IQSEC1: variants seen among roughly 807,000 people sequenced by gnomAD.
IQSEC1 encodes the protein IQ motif and Sec7 domain ArfGEF 1.
IQSEC1 carries 31 observed loss-of-function variants against 91.0 expected under a neutral mutation model. The ratio of observed to expected loss-of-function variants is 0.34; its 90% CI spans 0.26 to 0.46. The LOEUF is 0.46. Among genes scored for constraint, IQSEC1 ranks in the 20% least tolerant of loss-of-function variants. The probability of loss-of-function intolerance (pLI) is 1.00; values close to 1 mark genes in which losing one functional copy is unlikely to be tolerated. For missense variants in IQSEC1, 1,388 were observed against 1,575.6 expected (o/e 0.88, Z 2.02); for synonymous variants, 699 against 662.6 (o/e 1.05, Z -0.84).
At chr3:13,172,831 T>C (rs1019281269) in intron 1 of IQSEC1, among the ~76,000 whole-genome samples, 1 of 152,162 alleles carries the variant, frequency 6.6e-6, no homozygotes, top group Non-Finnish European at 1.5e-5. Flanking sequence ...CCCAGCCACG[T>C]GCCTCTGGGG....
intron 2 of IQSEC1, among the ~76,000 whole-genome samples, chr3:13,084,549 G>A (rs541796704): frequency 6.6e-6 from 1 of 152,328 alleles, no homozygotes; most frequent in South Asian, 2.1e-4. Context: ...GACATCAGAT[G>A]ATGACGGGTG....
rs1045099494 is a variant in IQSEC1 at position 13,207,256 on chromosome 3, C to T, written c.273-43123G>A. 3.5e-4 allele frequency among the ~76,000 whole-genome samples: 53 copies of T among 152,158 alleles called. No homozygotes were observed. The highest frequency in any genetic ancestry group is 1.2e-3 in the African/African-American group (51 of 41,434). On this transcript the variant is annotated intron_variant, in intron 1 of 15. Coordinates refer to the IQSEC1 transcript ENST00000648114. The surrounding 1 kb of genome is among the most constrained non-coding windows in gnomAD (Gnocchi z 4.8). Reference sequence around the variant, plus strand: ...TTCCCCACCTCCGCTCAAACCTTCCCACCAGATTCCTCCTGGCTTGTTTCC... The same window carrying T: ...TTCCCCACCTCCGCTCAAACCTTCCTACCAGATTCCTCCTGGCTTGTTTCC...
chr3:12,897,909 T>C lies in IQSEC1; in HGVS notation c.*3074A>G, dbSNP rs1040889719. 2 of 152,256 alleles carry C rather than the reference T, an allele frequency of 1.3e-5. No individual in the cohort carries two copies. The highest frequency in any genetic ancestry group is 4.8e-5 in the African/African-American group (2 of 41,468). 9.4% of individuals were successfully genotyped at this position (152,256 alleles called of 1,614,324 possible). On this transcript the variant is annotated 3_prime_UTR_variant, in exon 14 of 14. Transcript: ENST00000613206. The stretch of plus-strand genomic sequence containing the variant: ...ATTAGGATGAACTTTATTTTTACAT[T>C]GTTGTACAATTCATTGGTAAACTTA...
At chr3:13,251,123 C>T (rs984031432) in intron 1 of IQSEC1, among the ~76,000 whole-genome samples, 8 of 152,220 alleles carry the variant, frequency 5.3e-5, no homozygotes, top group Non-Finnish European at 1.2e-4. Flanking sequence ...CACCTGCAGG[C>T]CTCTGGGCCT....
chr3:13,054,696 T>C (rs767912425), intron 1 of IQSEC1, among the ~76,000 whole-genome samples: 1 of 151,998 alleles, frequency 6.6e-6, no homozygotes, highest in South Asian at 2.1e-4. Context: ...AGTGAAGAGG[T>C]GGCCTCTGGA....
chr3:12,951,052 AG>A (rs1246786647), intron 1 of IQSEC1, among the ~76,000 whole-genome samples: 1 of 152,196 alleles, frequency 6.6e-6, no homozygotes, highest in Admixed American at 6.5e-5. Context: ...TCAAGGCTGC[AG>A]TTAGCTATGA....
At chr3:12,952,822 A>T (rs1038120935) in intron 1 of IQSEC1, among the ~76,000 whole-genome samples, 1 of 152,128 alleles carries the variant, frequency 6.6e-6, no homozygotes, top group African/African-American at 2.4e-5. Context: ...AACTGGAGGG[A>T]TGTGGCTGAG....
intron 1 of IQSEC1, among the ~76,000 whole-genome samples, chr3:12,998,973 G>C (rs1208406173): frequency 6.6e-6 from 1 of 151,780 alleles, no homozygotes; most frequent in Non-Finnish European, 1.5e-5. Context: ...CCTGGGGGAT[G>C]GAGTGGAAAG....
chr3:13,199,442 C>A (rs997586392), intron 1 of IQSEC1, among the ~76,000 whole-genome samples: 8 of 152,172 alleles, frequency 5.3e-5, no homozygotes, highest in Non-Finnish European at 1.0e-4. Context: ...AGCAGCAGCC[C>A]CTTTCCAAGC....
At chr3:12,949,500 G>A (rs879883725) in intron 1 of IQSEC1, among the ~76,000 whole-genome samples, 2 of 152,214 alleles carry the variant, frequency 1.3e-5, no homozygotes, top group African/African-American at 4.8e-5. Context: ...TGCCCATCAC[G>A]CCTCCAGGCC....
chr3:13,076,509 G>C (rs1705564498), upstream of IQSEC1, among the ~76,000 whole-genome samples: 1 of 152,188 alleles, frequency 6.6e-6, no homozygotes, highest in Admixed American at 6.5e-5. Context: ...GAACATGACA[G>C]CATTTGGGAA....
chr3:13,075,400 G>A (rs1705547361), upstream of IQSEC1, among the ~76,000 whole-genome samples: 1 of 152,204 alleles, frequency 6.6e-6, no homozygotes, highest in Non-Finnish European at 1.5e-5. Flanking sequence ...CTAGAGCAAT[G>A]CCCCTCTCAG....
chr3:13,243,076 G>A (rs1695047166), intron 1 of IQSEC1, among the ~76,000 whole-genome samples: 1 of 152,176 alleles, frequency 6.6e-6, no homozygotes, highest in South Asian at 2.1e-4. Context: ...CACAAGCTAG[G>A]AGCCAGTCTC....
chr3:13,128,879 A>G (rs1298576557), intron 2 of IQSEC1, among the ~76,000 whole-genome samples: 12 of 148,614 alleles, frequency 8.1e-5, no homozygotes, highest in Admixed American at 2.0e-4. Flanking sequence ...TCTGTCTCAA[A>G]AAAAAAAAAA....
At chr3:13,079,493 A>G (rs1705616127) in intron 2 of IQSEC1, among the ~76,000 whole-genome samples, 1 of 152,190 alleles carries the variant, frequency 6.6e-6, no homozygotes, top group Non-Finnish European at 1.5e-5. Context: ...GGGAGCCAGG[A>G]CCAGGGCATG....
intron 1 of IQSEC1, among the ~76,000 whole-genome samples, chr3:13,269,176 A>G (rs1695550365): frequency 6.6e-6 from 1 of 152,086 alleles, no homozygotes; most frequent in South Asian, 2.1e-4. Context: ...GGCTCAGGGC[A>G]CTCTTGTGAG....
chr3:12,915,010 G>T, intron 8 of IQSEC1, 94 bp downstream of exon 8: 1 of 1,311,300 alleles, frequency 7.6e-7, no homozygotes, highest in South Asian at 1.3e-5. Context: ...CAGCACTTGG[G>T]CTCTGGGAGC....
At chr3:13,111,779 G>C (rs1277859039) in intron 2 of IQSEC1, among the ~76,000 whole-genome samples, 1 of 152,154 alleles carries the variant, frequency 6.6e-6, no homozygotes, top group African/African-American at 2.4e-5. Flanking sequence ...AGCCGTCTGT[G>C]AACCAGGAAA....
chr3:13,231,240 T>C (rs1219004954), intron 1 of IQSEC1, among the ~76,000 whole-genome samples: 1 of 152,234 alleles, frequency 6.6e-6, no homozygotes, highest in East Asian at 1.9e-4. Flanking sequence ...ATAATACTCA[T>C]TTTCCATGAA....
Sources: gnomAD v4.1 joint callset for allele counts (sites outside exome capture counted in the v4.1 genomes callset) on GRCh38, gnomAD v4.1.1 for gene constraint, Gnocchi (gnomAD v3.1) non-coding constraint, MANE v1.5 for transcripts, NCBI Gene and HGNC (gene_info 2026-07-23, HGNC 2026-07-21) for gene names.